The following DOCK8 variants were observed in gnomAD, a reference collection of about 807,000 sequenced individuals.
The protein encoded by DOCK8 is dedicator of cytokinesis 8.
A neutral mutation model predicts 245.6 loss-of-function variants in DOCK8; 141 were observed. The observed-to-expected ratio is 0.57, with a 90% CI of 0.50 to 0.66. DOCK8 has a LOEUF of 0.66. DOCK8 is among the 30% of genes least tolerant of loss of function. The pLI, the probability that DOCK8 is intolerant of heterozygous loss-of-function variation, is 0.00. For synonymous variants in DOCK8, 1,168 were observed against 970.2 expected (o/e 1.20, Z -3.79); for missense variants, 2,965 against 2,603.4 (o/e 1.14, Z -3.02).
At chr9:307,838 G>T (rs578004350) in intron 5 of DOCK8, among the ~76,000 whole-genome samples, 1 of 152,238 alleles carries the variant, frequency 6.6e-6, no homozygotes, top group Non-Finnish European at 1.5e-5. Context: ...CAGAAGAATG[G>T]ATAAAGAAAA....
chr9:266,868 A>T (rs2129865653), intron 1 of DOCK8, among the ~76,000 whole-genome samples: 1 of 152,068 alleles, frequency 6.6e-6, no homozygotes, highest in East Asian at 1.9e-4. Flanking sequence ...TATTATCATG[A>T]TATAAATCTA....
intron 1 of DOCK8, among the ~76,000 whole-genome samples, chr9:216,891 C>A (rs1051729327): frequency 6.6e-6 from 1 of 152,020 alleles, no homozygotes; most frequent in Non-Finnish European, 1.5e-5. Flanking sequence ...GAATAAAGGC[C>A]CTGGTTAGTG....
chr9:368,876 C>CA (rs1207612750), intron 15 of DOCK8: 1 of 136,966 alleles, frequency 7.3e-6, no homozygotes, highest in East Asian at 2.1e-4. Context: ...GGCTGGAGTA[C>CA]AATGGCCGCA....
intron 4 of DOCK8, among the ~76,000 whole-genome samples, chr9:303,629 G>C (rs1022804984): frequency 1.3e-5 from 2 of 152,180 alleles, no homozygotes; most frequent in Non-Finnish European, 2.9e-5. Flanking sequence ...GTAGACACCA[G>C]GGATTACTAA....
intron 46 of DOCK8, 55 bp from the exon 47 acceptor site, chr9:463,462 A>G (rs1386249563): frequency 1.3e-6 from 2 of 1,597,638 alleles, no homozygotes; most frequent in African/African-American, 2.7e-5. Flanking sequence ...TTGTTCTCAG[A>G]TTTCTAAGCA....
chr9:355,347 G>T (rs1401867929), intron 14 of DOCK8, among the ~76,000 whole-genome samples: 4 of 152,012 alleles, frequency 2.6e-5, no homozygotes, highest in African/African-American at 9.7e-5. Context: ...GGGATTACAG[G>T]CATGTGCCAC....
intron 1 of DOCK8, among the ~76,000 whole-genome samples, chr9:234,934 T>C (rs1044669002): frequency 1.3e-5 from 2 of 152,224 alleles, no homozygotes. Context: ...GTTCCATTGC[T>C]GGTGAGGAGC....
chr9:332,704 C>A (rs1476714995), intron 10 of DOCK8, among the ~76,000 whole-genome samples: 1 of 123,024 alleles, frequency 8.1e-6, no homozygotes, highest in Non-Finnish European at 1.6e-5. Context: ...ATCTCCCAGG[C>A]TGGAGTGCTG....
chr9:248,561 CTTTCTTTCTTTCTCTCTCTCTG>C (rs1337819560), intron 1 of DOCK8, among the ~76,000 whole-genome samples: 1 of 108,984 alleles, frequency 9.2e-6, no homozygotes, highest in East Asian at 5.5e-4. Flanking sequence ...CTCTCTCTCT[CTTTCTTTCTTTCTCTCTCTCTG>C]TCTTTCTTTC....
At chr9:322,403 A>G (rs570659402) in intron 7 of DOCK8, among the ~76,000 whole-genome samples, 2,256 of 135,270 alleles carry the variant, frequency 0.017, 168 homozygotes, top group African/African-American at 0.065. Context: ...GCTGGGCTCA[A>G]AACCTGACCG....
At chr9:330,423 A>G (rs534577863) in intron 9 of DOCK8, among the ~76,000 whole-genome samples, 97 of 152,278 alleles carry the variant, frequency 6.4e-4, no homozygotes, top group African/African-American at 2.1e-3. Context: ...TAAATTTCCC[A>G]TCTTAAAGAG....
At chr9:270,588 T>A (rs1258931807) in intron 1 of DOCK8, among the ~76,000 whole-genome samples, 1 of 152,216 alleles carries the variant, frequency 6.6e-6, no homozygotes, top group African/African-American at 2.4e-5. Flanking sequence ...TGCTGGGTAG[T>A]TAATAAGTAT....
chr9:311,102 A>G (rs1188625104), intron 5 of DOCK8, among the ~76,000 whole-genome samples: 4 of 152,090 alleles, frequency 2.6e-5, no homozygotes, highest in Non-Finnish European at 4.4e-5. Flanking sequence ...CCTGGACAAT[A>G]TGGTGAAACC....
At chr9:323,537 A>G (rs543628682) in intron 7 of DOCK8, among the ~76,000 whole-genome samples, 4 of 152,118 alleles carry the variant, frequency 2.6e-5, no homozygotes, top group Admixed American at 2.6e-4. Flanking sequence ...TACCATCTTA[A>G]CCATTTTTAA....
chr9:347,921 A>G (rs2130990737), intron 14 of DOCK8, among the ~76,000 whole-genome samples: 1 of 152,358 alleles, frequency 6.6e-6, no homozygotes, highest in East Asian at 1.9e-4. Flanking sequence ...AGATTCAGAC[A>G]CACGACTACC....
At chr9:309,531 A>C (rs1287715598) in intron 5 of DOCK8, among the ~76,000 whole-genome samples, 1 of 152,200 alleles carries the variant, frequency 6.6e-6, no homozygotes, top group Admixed American at 6.5e-5. Context: ...TTTTTTGCTG[A>C]GTCTTTGGTT....
chr9:278,124 A>G (rs1313353520), intron 2 of DOCK8, among the ~76,000 whole-genome samples: 5 of 152,252 alleles, frequency 3.3e-5, no homozygotes, highest in Admixed American at 6.5e-5. Flanking sequence ...ATAAAAGGAA[A>G]GAGTGGCAGG....
intron 1 of DOCK8, among the ~76,000 whole-genome samples, chr9:251,454 T>C (rs2047643954): frequency 6.6e-6 from 1 of 152,182 alleles, no homozygotes; most frequent in South Asian, 2.1e-4. Context: ...ACCTGCTCTT[T>C]TTAGTAGTCA....
intron 1 of DOCK8, among the ~76,000 whole-genome samples, chr9:270,026 T>C (rs1013232454): frequency 6.6e-6 from 1 of 152,218 alleles, no homozygotes; most frequent in Non-Finnish European, 1.5e-5. Flanking sequence ...TCCACATCCT[T>C]GCAAACACTT....
Sources: gnomAD v4.1 joint callset for allele counts (sites outside exome capture counted in the v4.1 genomes callset) on GRCh38, gnomAD v4.1.1 for gene constraint, MANE v1.5 for transcripts, NCBI Gene and HGNC (gene_info 2026-07-23, HGNC 2026-07-21) for gene names.